NUP188: variants seen among roughly 807,000 people sequenced by gnomAD.
NUP188 encodes nucleoporin 188.
A neutral mutation model predicts 223.0 loss-of-function variants in NUP188; 97 were observed. The ratio of observed to expected loss-of-function variants is 0.43; its 90% CI spans 0.37 to 0.51. NUP188 has a LOEUF of 0.51. Among genes scored for constraint, NUP188 ranks in the 20% least tolerant of loss-of-function variants. The probability of loss-of-function intolerance (pLI) is 0.00; values close to 1 mark genes in which losing one functional copy is unlikely to be tolerated. For missense variants in NUP188, 1,947 were observed against 2,175.6 expected, an observed-to-expected ratio of 0.89 and a Z score of 2.09; for synonymous variants, 869 against 828.0, an observed-to-expected ratio of 1.05 and a Z score of -0.85.
Position 129,001,705 on chromosome 9 carries a change from C to A in NUP188, c.4020C>A (p.Leu1340=). The A allele has an allele frequency of 6.2e-7, 1 of 1,613,840 alleles. No individual in the cohort carries two copies. The highest frequency in any genetic ancestry group is 1.1e-5 in the South Asian group (1 of 91,038). Residue 1340 remains leucine (L), a synonymous_variant, in exon 35 of 44, where the codon CTC becomes CTA. Coordinates refer to ENST00000372577, the MANE Select transcript of NUP188 (RefSeq NM_015354.3). ...TCACTGAGGCCACATTGCATCTGCT[C>A]CTCACCCTGGCTCGCACTCAGCAGG... ...LHFTEATLHL[L]LTLARTQQGA...
intron 8 of NUP188, chr9:128,964,361 A>C: frequency 3.8e-6 from 1 of 260,346 alleles, no homozygotes. Context: ...TCCCACCTTA[A>C]TTCTTTTTTT....
At chr9:128,972,745 G>T (rs1440286503) in intron 11 of NUP188, among the ~76,000 whole-genome samples, 1 of 152,106 alleles carries the variant, frequency 6.6e-6, no homozygotes, top group Non-Finnish European at 1.5e-5. Flanking sequence ...ACCTAAAACT[G>T]CTCTACAAAA....
chr9:129,003,058 G>C (rs1588295105), intron 37 of NUP188, 83 bp downstream of exon 37: 1 of 1,482,602 alleles, frequency 6.7e-7, no homozygotes, highest in African/African-American at 1.4e-5. Context: ...TGGGTGTGGA[G>C]CCTGGGCCTC....
Position 128,988,163 on chromosome 9 carries a change from T to G in NUP188, c.2510T>G (p.Leu837Arg). ...LKPPSNVVSP[L>R]EQALSQHGAH... is the part of the protein sequence containing the mutation. ...CCTCCTTCTAATGTGGTGTCCCCCC[T>G]GGAACAGGCTCTCTCACAACATGGT... The change falls in exon 24 of 44, where the codon CTG becomes CGG. Residue 837 changes from leucine (L) to arginine (R), a missense_variant. This residue lies in a region of NUP188 where 225 missense variants were observed against 319.1 expected (regional missense o/e 0.71). Coordinates refer to ENST00000372577, the MANE Select transcript of NUP188 (RefSeq NM_015354.3). 1 of 1,614,226 alleles carries G rather than the reference T, an allele frequency of 6.2e-7. No individual in the cohort carries two copies.
In NUP188 at chr9:129,005,770, T is replaced by TGGAGAG. The variant is rs1395753488; in HGVS notation, c.4865_4869+1dup. ...CAGTGAATGTGGCCCTCAACATGCT[T>TGGAGAG]GGAGAGGTAAGTTGGTTCTGTCAGA... On this transcript the variant is annotated inframe_insertion, in exon 41 of 44. Transcript: ENST00000372577. 6.2e-7 allele frequency: 1 copy of TGGAGAG among 1,610,172 alleles called. No homozygotes were observed. Among genetic ancestry groups the TGGAGAG allele is most frequent in the Non-Finnish European group, 8.5e-7 (1 of 1,178,276 alleles).
In NUP188 at chr9:128,949,971, G is replaced by A. The variant is rs150281691; in HGVS notation, c.87+728G>A. 1.7e-3 allele frequency among the ~76,000 whole-genome samples: 254 copies of A among 146,660 alleles called. 1 individual carries two copies. Among genetic ancestry groups the A allele is most frequent in the Middle Eastern group, 3.5e-3 (1 of 282 alleles). Reference sequence around the variant, plus strand: ...AGGGGGGTGTCTTGCTCCCAGGCTGGAGTGTAAGTAGCTCGATCTTGGCTC... The same window carrying A: ...AGGGGGGTGTCTTGCTCCCAGGCTGAAGTGTAAGTAGCTCGATCTTGGCTC... On this transcript the variant is annotated intron_variant, in intron 2 of 43. Transcript: ENST00000372577.
chr9:128,998,528 C>G lies in NUP188; in HGVS notation c.3430-10C>G. On this transcript the variant is annotated splice_polypyrimidine_tract_variant and intron_variant, in intron 31 of 43. Coordinates refer to ENST00000372577, the MANE Select transcript of NUP188 (RefSeq NM_015354.3). Reference sequence around the variant, plus strand: ...CACTGACTTCTGACTGGTGTGCTGTCTCCTTTCAGCTCCTAGTTCCAGCCT... The same window carrying G: ...CACTGACTTCTGACTGGTGTGCTGTGTCCTTTCAGCTCCTAGTTCCAGCCT... 1 of 1,612,728 alleles carries G rather than the reference C, an allele frequency of 6.2e-7. No homozygotes were observed. Among genetic ancestry groups the G allele is most frequent in the South Asian group, 1.1e-5 (1 of 91,044 alleles).
intron 8 of NUP188, among the ~76,000 whole-genome samples, chr9:128,960,116 T>A (rs1841926447): frequency 6.9e-6 from 1 of 144,666 alleles, no homozygotes; most frequent in Admixed American, 6.9e-5. Flanking sequence ...CAGGCTGGAA[T>A]GCAGTGGTGA....
chr9:128,995,368 G>A lies in NUP188; in HGVS notation c.3205G>A (p.Glu1069Lys), dbSNP rs373808238. 17 of 1,613,982 alleles carry A rather than the reference G, an allele frequency of 1.1e-5. No homozygotes were observed. Among genetic ancestry groups the A allele is most frequent in the Non-Finnish European group, 1.1e-5 (13 of 1,180,014 alleles). Residue 1069 changes from glutamate (E) to lysine (K), a missense_variant, in exon 30 of 44, where the codon GAG (glutamate) becomes AAG (lysine). Physicochemically the swap from Glu to Lys is moderately conservative, Grantham distance 56. Transcript: ENST00000372577. ...LKDTLKKFSI[E>K]KRFAYWSGYV... ...GGATACACTGAAGAAATTTTCCATCGAGAAACGCTTTGCCTACTGGTCAGG... is the reference window on the plus strand; with the variant it reads ...GGATACACTGAAGAAATTTTCCATCAAGAAACGCTTTGCCTACTGGTCAGG...
chr9:128,973,294 G>T (rs778674708), intron 12 of NUP188, 45 bp downstream of exon 12: 4 of 1,403,306 alleles, frequency 2.9e-6, no homozygotes, highest in Non-Finnish European at 4.0e-6. Flanking sequence ...GCCCAGCTTT[G>T]CAATCAAGTC....
chr9:128,979,582 C>T (rs1486119553), intron 13 of NUP188, among the ~76,000 whole-genome samples: 2 of 151,770 alleles, frequency 1.3e-5, no homozygotes, highest in African/African-American at 2.4e-5. Flanking sequence ...CTGCAGCCCA[C>T]GTTATTACCA....
chr9:128,947,861 C>T (rs992485192), intron 1 of NUP188, 110 bp downstream of exon 1: 22 of 1,094,446 alleles, frequency 2.0e-5, no homozygotes, highest in African/African-American at 3.3e-5. Context: ...CAGGGCCAAC[C>T]CCGGCTGGAT....
chr9:128,967,548 G>A (rs1303266023), intron 8 of NUP188, among the ~76,000 whole-genome samples: 4 of 151,772 alleles, frequency 2.6e-5, no homozygotes, highest in African/African-American at 4.8e-5. Context: ...CCCAGCACTC[G>A]GGAGGCCAAG....
chr9:128,973,347 G>A, intron 12 of NUP188, 98 bp downstream of exon 12: 1 of 750,594 alleles, frequency 1.3e-6, no homozygotes, highest in Non-Finnish European at 2.2e-6. Context: ...TTTACCTCAT[G>A]TGTTAATTTG....
At chr9:129,004,920 T>C in intron 38 of NUP188, 1 of 574,448 alleles carries the variant, frequency 1.7e-6, no homozygotes, top group East Asian at 2.9e-5. Context: ...TTAGTGGCTA[T>C]AGGGGCTTTA....
intron 8 of NUP188, among the ~76,000 whole-genome samples, chr9:128,961,221 T>C (rs1049531498): frequency 1.3e-5 from 2 of 151,096 alleles, no homozygotes; most frequent in East Asian, 1.9e-4. Context: ...TCCCAGCTAC[T>C]CGGGAGGCTA....
chr9:128,984,157 G>C (rs1184897664), intron 19 of NUP188, among the ~76,000 whole-genome samples: 1 of 96,290 alleles, frequency 1.0e-5, no homozygotes, highest in South Asian at 3.4e-4. Context: ...ATGGAGTTGC[G>C]CTCTTGTTGC....
chr9:128,962,492 A>C lies in NUP188; in HGVS notation c.585+3358A>C, dbSNP rs375286177. ...TGTTGGTCTCCTGACCTCCTGACCC[A>C]CCCACCTCTGCCTCCCAAAGTGCTG... On this transcript the variant is annotated intron_variant, in intron 8 of 43. Transcript: ENST00000372577. Among the ~76,000 whole-genome samples, 408 of 151,454 alleles carry C rather than the reference A, an allele frequency of 2.7e-3. 7 individuals carry two copies. In the East Asian group the frequency reaches 0.043, roughly 16 times the overall value.
At chr9:128,949,309 C>A (rs17455287) in intron 2 of NUP188, 66 bp downstream of exon 2, 66 of 1,171,166 alleles carry the variant, frequency 5.6e-5, no homozygotes, top group Non-Finnish European at 7.3e-5. Flanking sequence ...CCAAAAAAAA[C>A]CTTTTTTTAA....
Sources: allele counts gnomAD v4.1 joint callset (sites outside exome capture counted in the v4.1 genomes callset), GRCh38; gene constraint gnomAD v4.1.1; regional missense constraint gnomAD v4.1.1; transcripts MANE v1.5; gene names NCBI Gene and HGNC (gene_info 2026-07-23, HGNC 2026-07-21).